The following PARD3B variants were observed in gnomAD, a reference collection of about 807,000 sequenced individuals.
PARD3B encodes partitioning defective 3 homolog B.
Under a neutral mutation model 130.2 loss-of-function variants are expected in PARD3B, and 103 were observed. The ratio of observed to expected loss-of-function variants is 0.79; its 90% confidence interval spans 0.67 to 0.93. The LOEUF (loss-of-function observed/expected upper bound fraction) is 0.93. PARD3B is among the 40% of genes least tolerant of loss of function. The pLI is 0.00. For synonymous variants in PARD3B, 583 were observed against 553.2 expected (o/e 1.05, Z -0.76); for missense variants, 1,609 against 1,499.2 (o/e 1.07, Z -1.21).
rs2030721014 is a variant in PARD3B, at chr2:205,121,575, T to G, written c.807-16T>G. On this transcript the variant is annotated splice_polypyrimidine_tract_variant and intron_variant, in intron 7 of 22. Coordinates refer to ENST00000406610, the MANE Select transcript of PARD3B (RefSeq NM_001302769.2). The surrounding 1 kb of genome is among the most constrained non-coding windows in gnomAD (Gnocchi z 5.0). ...TCAAAGCAGGGTCATCATACATTTA[T>G]CAACTTTCTTTCCAGGGCTCAAGAT... is the stretch of plus-strand genomic sequence containing the variant. 2 of 1,605,544 alleles carry G rather than the reference T, an allele frequency of 1.2e-6. No individual in the cohort carries two copies. Among genetic ancestry groups the G allele is most frequent in the Admixed American group, 1.7e-5 (1 of 59,708 alleles).
chr2:205,491,733 G>A (rs1341931718), intron 20 of PARD3B, among the ~76,000 whole-genome samples: 1 of 152,142 alleles, frequency 6.6e-6, no homozygotes, highest in Non-Finnish European at 1.5e-5. Context: ...CCAAGCTAGG[G>A]ATGGAAATAC....
intron 2 of PARD3B, among the ~76,000 whole-genome samples, chr2:204,790,836 G>A (rs1029567636): frequency 7.9e-5 from 12 of 152,204 alleles, no homozygotes; most frequent in Non-Finnish European, 1.8e-4. Context: ...TGGGTGTGGT[G>A]GCTCACGCCT....
At chr2:205,331,884 G>T (rs969785479) in intron 18 of PARD3B, among the ~76,000 whole-genome samples, 6 of 150,726 alleles carry the variant, frequency 4.0e-5, no homozygotes, top group Admixed American at 4.0e-4. Flanking sequence ...GAGGCGGGCA[G>T]ATCACAAGGT....
At chr2:204,891,191 T>C (rs546152496) in intron 2 of PARD3B, among the ~76,000 whole-genome samples, 2 of 151,802 alleles carry the variant, frequency 1.3e-5, no homozygotes, top group South Asian at 2.1e-4. Flanking sequence ...CTTTTCTTTT[T>C]TTTTTTTTTT....
Position 205,550,951 on chromosome 2 carries a change from A to ATATATATAT in PARD3B, c.3181-2372_3181-2371insATATATATT, listed in dbSNP as rs1553542788. Among the ~76,000 whole-genome samples the ATATATATAT allele has an allele frequency of 3.9e-5, 3 of 77,576 alleles. No individual in the cohort carries two copies. Among genetic ancestry groups the ATATATATAT allele is most frequent in the Non-Finnish European group, 8.6e-5 (3 of 34,746 alleles). The allele number at this position is 77,576 out of a possible 152,430, so 50.9% of individuals were successfully genotyped here. A position where few individuals can be genotyped will look rare whatever the true frequency, so the allele number is the denominator to read the frequency against. ...TGTGTGTGTGTGTGTGTATATATAT[A>ATATATATAT]TGTGTATATATATATATATATATAT... is the stretch of plus-strand genomic sequence containing the variant. On this transcript the variant is annotated intron_variant, in intron 21 of 22. Coordinates refer to ENST00000406610, the MANE Select transcript of PARD3B (RefSeq NM_001302769.2). This position sits in a 1 kb window ranked among gnomAD's most constrained non-coding sequence, Gnocchi z 4.5.
intron 1 of PARD3B, among the ~76,000 whole-genome samples, chr2:204,655,751 T>G (rs768652112): frequency 5.9e-5 from 9 of 152,076 alleles, no homozygotes; most frequent in Non-Finnish European, 1.0e-4. Flanking sequence ...CATATATATC[T>G]GAATAACAAC....
At chr2:205,191,079 A>T (rs1316390566) in intron 14 of PARD3B, among the ~76,000 whole-genome samples, 1 of 151,648 alleles carries the variant, frequency 6.6e-6, no homozygotes, top group Admixed American at 6.6e-5. Flanking sequence ...GAAATAGAAA[A>T]AAAAAAAAAA....
intron 2 of PARD3B, among the ~76,000 whole-genome samples, chr2:204,759,457 T>C (rs540289817): frequency 1.7e-4 from 26 of 152,232 alleles, no homozygotes; most frequent in African/African-American, 6.0e-4. Context: ...AATATAGCAG[T>C]GTTTTTAAGC....
intron 1 of PARD3B, among the ~76,000 whole-genome samples, chr2:204,618,683 C>A (rs951653887): frequency 1.3e-5 from 2 of 152,146 alleles, no homozygotes; most frequent in Non-Finnish European, 2.9e-5. Flanking sequence ...TAGTGTATTT[C>A]TTGCAATTAA....
At position 205,146,378 on chromosome 2, in the gene PARD3B, G is replaced by T. The variant is rs573799414; in HGVS notation, c.1435-12344G>T. ...TAAATTGTTACATCAGGCTGGGTGC[G>T]GTGGCTCACCCCTGTAATCCCAGCA... On this transcript the variant is annotated intron_variant, in intron 10 of 22. Coordinates refer to ENST00000406610, the MANE Select transcript of PARD3B (RefSeq NM_001302769.2). This position sits in a 1 kb window ranked among gnomAD's most constrained non-coding sequence, Gnocchi z 4.3. Among the ~76,000 whole-genome samples, 2 of 152,176 alleles carry T rather than the reference G, an allele frequency of 1.3e-5. No individual in the cohort carries two copies. Among genetic ancestry groups the T allele is most frequent in the Admixed American group, 6.5e-5 (1 of 15,290 alleles).
chr2:205,570,968 C>A (rs2106546772), intron 22 of PARD3B, among the ~76,000 whole-genome samples: 1 of 152,222 alleles, frequency 6.6e-6, no homozygotes, highest in Non-Finnish European at 1.5e-5. Context: ...TAATATTAAA[C>A]CATAGCCACT....
chr2:204,803,157 A>ATAT (rs1414932505), intron 2 of PARD3B, among the ~76,000 whole-genome samples: 8 of 137,274 alleles, frequency 5.8e-5, no homozygotes, highest in African/African-American at 1.6e-4. Context: ...AAAAAAAAAA[A>ATAT]AAAAAAATAT....
At chr2:204,855,408 A>T (rs879409050) in intron 2 of PARD3B, among the ~76,000 whole-genome samples, 2 of 151,738 alleles carry the variant, frequency 1.3e-5, no homozygotes, top group Non-Finnish European at 2.9e-5. Flanking sequence ...TGGGTGTGGT[A>T]GCGTGTACCT....
At chr2:205,261,085 T>C (rs984380507) in intron 16 of PARD3B, among the ~76,000 whole-genome samples, 1 of 152,146 alleles carries the variant, frequency 6.6e-6, no homozygotes, top group African/African-American at 2.4e-5. Flanking sequence ...CCTTTAGGAT[T>C]TCCTTTAATT....
chr2:204,931,346 G>A (rs1688016968), intron 2 of PARD3B, among the ~76,000 whole-genome samples: 1 of 152,008 alleles, frequency 6.6e-6, no homozygotes, highest in South Asian at 2.1e-4. Context: ...TCCATGCAAA[G>A]CTCTTAGCAT....
chr2:204,950,034 C>G (rs1689638811), intron 2 of PARD3B, among the ~76,000 whole-genome samples: 1 of 152,164 alleles, frequency 6.6e-6, no homozygotes. Flanking sequence ...TAATAGCTAG[C>G]ATTAAATGAG....
intron 6 of PARD3B, among the ~76,000 whole-genome samples, chr2:205,114,788 A>G (rs765630335): frequency 6.6e-6 from 1 of 151,482 alleles, no homozygotes; most frequent in Non-Finnish European, 1.5e-5. Context: ...TCTGATGCCA[A>G]GCTCTCACTG....
At chr2:205,551,122 T>C (rs1186457360) in intron 21 of PARD3B, among the ~76,000 whole-genome samples, 2 of 151,378 alleles carry the variant, frequency 1.3e-5, no homozygotes, top group East Asian at 3.9e-4. Context: ...CTGAAACTAT[T>C]AACTTGGAAT....
chr2:204,891,488 T>G (rs1427421347), intron 2 of PARD3B, among the ~76,000 whole-genome samples: 1 of 152,186 alleles, frequency 6.6e-6, no homozygotes, highest in African/African-American at 2.4e-5. Flanking sequence ...AGTGCCACAG[T>G]GGGTCTTGCA....
Sources: allele counts gnomAD v4.1 joint callset (sites outside exome capture counted in the v4.1 genomes callset), GRCh38; gene constraint gnomAD v4.1.1; non-coding constraint Gnocchi (gnomAD v3.1); transcripts MANE v1.5; gene names NCBI Gene and HGNC (gene_info 2026-07-23, HGNC 2026-07-21).